The following DNAAF4 variants were observed in gnomAD, a reference collection of about 807,000 sequenced individuals.
The protein encoded by DNAAF4 is dynein axonemal assembly factor 4, also known as dynein assembly factor 4, axonemal.
Under a neutral mutation model 51.8 loss-of-function variants are expected in DNAAF4, and 43 were observed. That is an observed-to-expected ratio of 0.83 (90% CI 0.65 to 1.07). The LOEUF (loss-of-function observed/expected upper bound fraction) is 1.07, where lower values mean the gene tolerates loss of function less well. DNAAF4 is among the 50% of genes least tolerant of loss of function. The probability of loss-of-function intolerance (pLI) is 0.00; values close to 1 mark genes in which losing one functional copy is unlikely to be tolerated. For synonymous variants in DNAAF4, 194 were observed against 165.6 expected, an observed-to-expected ratio of 1.17 and a Z score of -1.32; for missense variants, 581 against 493.0, an observed-to-expected ratio of 1.18 and a Z score of -1.69.
At chr15:55,430,919 A>G in intron 9 of DNAAF4, 140 bp from the exon 10 acceptor site, 1 of 638,434 alleles carries the variant, frequency 1.6e-6, no homozygotes, top group South Asian at 2.3e-5. Flanking sequence ...TTAGATTCCC[A>G]TCTTTTTTTT....
intron 5 of DNAAF4, among the ~76,000 whole-genome samples, chr15:55,450,958 C>T (rs2057923187): frequency 6.6e-6 from 1 of 152,084 alleles, no homozygotes. Context: ...ATTAGCCAGG[C>T]CTGTGGCACA....
chr15:55,428,491 T>TTTTC, downstream of DNAAF4, among the ~76,000 whole-genome samples: 1 of 111,634 alleles, frequency 9.0e-6, no homozygotes, highest in Non-Finnish European at 1.8e-5. Context: ...TTTCTTTTTT[T>TTTTC]TTTTTTTTTT....
chr15:55,440,551 T>G (rs541448650), intron 6 of DNAAF4, among the ~76,000 whole-genome samples: 1 of 150,652 alleles, frequency 6.6e-6, no homozygotes, highest in Admixed American at 6.6e-5. Context: ...GCTAATTTTT[T>G]GTATTTTTAG....
chr15:55,465,557 G>A (rs1337089869), intron 5 of DNAAF4, among the ~76,000 whole-genome samples: 1 of 146,298 alleles, frequency 6.8e-6, no homozygotes, highest in Non-Finnish European at 1.5e-5. Flanking sequence ...AATACCATAT[G>A]TTCTCACTTT....
chr15:55,430,188 A>G (rs1284092382), downstream of DNAAF4: 2 of 173,986 alleles, frequency 1.1e-5, no homozygotes, highest in African/African-American at 4.8e-5. Flanking sequence ...AGCATTAGAG[A>G]AGTATTAAAC....
intron 3 of DNAAF4, among the ~76,000 whole-genome samples, chr15:55,497,484 C>T (rs975738613): frequency 6.6e-6 from 1 of 151,962 alleles, no homozygotes; most frequent in African/African-American, 2.4e-5. Flanking sequence ...CCTATAATCC[C>T]AGCTACTTGA....
At chr15:55,492,148 C>T (rs529297078) in intron 3 of DNAAF4, among the ~76,000 whole-genome samples, 305 of 152,078 alleles carry the variant, frequency 2.0e-3, no homozygotes, top group African/African-American at 6.9e-3. Context: ...TGAGCCACCA[C>T]GCAAGATCTC....
chr15:55,432,187 G>A (rs2057507004), intron 9 of DNAAF4, among the ~76,000 whole-genome samples: 1 of 151,886 alleles, frequency 6.6e-6, no homozygotes, highest in Non-Finnish European at 1.5e-5. Flanking sequence ...CCGACCTCAG[G>A]TGATCCACCC....
chr15:55,444,176 G>C (rs992312044), intron 6 of DNAAF4, among the ~76,000 whole-genome samples: 3 of 152,134 alleles, frequency 2.0e-5, no homozygotes, highest in African/African-American at 7.2e-5. Flanking sequence ...TATGGTTTTA[G>C]GTCTAACATT....
At chr15:55,446,134 C>T (rs1168346408) in intron 6 of DNAAF4, among the ~76,000 whole-genome samples, 2 of 146,320 alleles carry the variant, frequency 1.4e-5, no homozygotes, top group African/African-American at 2.6e-5. Flanking sequence ...AGGCGCTCCT[C>T]ACTTCCCAGA....
intron 6 of DNAAF4, among the ~76,000 whole-genome samples, chr15:55,447,732 C>G (rs1253445128): frequency 6.8e-6 from 1 of 147,124 alleles, no homozygotes; most frequent in African/African-American, 2.5e-5. Context: ...GAGCCGAGAT[C>G]ACGGCAGTAC....
chr15:55,442,673 T>C (rs544443928), intron 6 of DNAAF4: 14 of 1,501,810 alleles, frequency 9.3e-6, no homozygotes, highest in African/African-American at 2.8e-5. Flanking sequence ...ATAAGTAAGC[T>C]TGTCGCCTCT....
chr15:55,473,299 ATATATATGTGTG>A (rs1470611510), intron 4 of DNAAF4, among the ~76,000 whole-genome samples: 85 of 61,542 alleles, frequency 1.4e-3, no homozygotes, highest in Non-Finnish European at 2.1e-3. Context: ...ATATATGTGT[ATATATATGTGTG>A]TATATATGTG....
intron 7 of DNAAF4, among the ~76,000 whole-genome samples, chr15:55,421,587 T>C (rs1307919033): frequency 2.0e-5 from 3 of 152,062 alleles, no homozygotes; most frequent in Admixed American, 1.3e-4. Flanking sequence ...ATTCAGTGCC[T>C]ATTAAAGTCC....
chr15:55,430,598 A>G lies in DNAAF4; in HGVS notation c.*72T>C, dbSNP rs2057476965. The stretch of plus-strand genomic sequence containing the variant: ...AGAAAGCGATTCTGTACAACTGGCC[A>G]TAATATGTACAAAGATGCCTCCAGT... On this transcript the variant is annotated 3_prime_UTR_variant, in exon 10 of 10. Transcript: ENST00000321149. 1 of 1,542,990 alleles carries G rather than the reference A, an allele frequency of 6.5e-7. No individual in the cohort carries two copies. Among genetic ancestry groups the G allele is most frequent in the African/African-American group, 1.4e-5 (1 of 72,432 alleles).
downstream of DNAAF4, among the ~76,000 whole-genome samples, chr15:55,429,631 C>T (rs2057467266): frequency 6.6e-6 from 1 of 151,652 alleles, no homozygotes; most frequent in Non-Finnish European, 1.5e-5. Context: ...TCCTGGCTAA[C>T]ATGGTGAAAC....
intron 4 of DNAAF4, among the ~76,000 whole-genome samples, chr15:55,481,500 G>A (rs1013148143): frequency 6.6e-6 from 1 of 152,256 alleles, no homozygotes; most frequent in Middle Eastern, 3.4e-3. Context: ...AGAACATTAA[G>A]CTTCAAATGA....
chr15:55,467,265 T>A, intron 4 of DNAAF4, 104 bp from the exon 5 acceptor site: 1 of 1,081,600 alleles, frequency 9.2e-7, no homozygotes, highest in Non-Finnish European at 1.3e-6. Context: ...TCTAAACTCT[T>A]GCCATTGTAT....
intron 4 of DNAAF4, among the ~76,000 whole-genome samples, chr15:55,487,264 C>T (rs1250557105): frequency 1.3e-5 from 2 of 151,982 alleles, no homozygotes; most frequent in African/African-American, 4.8e-5. Context: ...TGCAAAAATG[C>T]ACCAATCAGT....
Sources: gnomAD v4.1 joint callset for allele counts (sites outside exome capture counted in the v4.1 genomes callset) on GRCh38, gnomAD v4.1.1 for gene constraint, MANE v1.5 for transcripts, NCBI Gene and HGNC (gene_info 2026-07-23, HGNC 2026-07-21) for gene names.